Variants in GXYLT2 observed in about 807,000 individuals in gnomAD.
GXYLT2 encodes the protein glucoside xylosyltransferase 2, also known as glycosyltransferase 8 domain containing 4.
A neutral mutation model predicts 45.8 loss-of-function variants in GXYLT2; 53 were observed. The observed-to-expected ratio is 1.16, with a 90% confidence interval of 0.93 to 1.46. GXYLT2 has a LOEUF of 1.46. Ranked by LOEUF, GXYLT2 falls within the 40% of genes most tolerant of loss-of-function variation. The pLI, the probability that GXYLT2 is intolerant of heterozygous loss-of-function variation, is 0.00. For synonymous variants in GXYLT2, 219 were observed against 214.2 expected (o/e 1.02, Z -0.19); for missense variants, 551 against 544.4 (o/e 1.01, Z -0.12).
At chr3:72,948,212 C>A (rs34294658) in intron 3 of GXYLT2, among the ~76,000 whole-genome samples, 1 of 151,990 alleles carries the variant, frequency 6.6e-6, no homozygotes, top group African/African-American at 2.4e-5. Flanking sequence ...TCGTGAAAAC[C>A]AGTGAGGATA....
At chr3:72,925,042 C>A (rs1258379060) in intron 3 of GXYLT2, among the ~76,000 whole-genome samples, 1 of 151,998 alleles carries the variant, frequency 6.6e-6, no homozygotes, top group Non-Finnish European at 1.5e-5. Context: ...GGGGAGTAGC[C>A]CTTTTGGCAT....
intron 3 of GXYLT2, among the ~76,000 whole-genome samples, chr3:72,951,163 T>C (rs1452888839): frequency 1.3e-5 from 2 of 152,100 alleles, no homozygotes; most frequent in Non-Finnish European, 1.5e-5. Context: ...AGAATTAGCC[T>C]CTAGAGATGC....
Position 72,975,551 on chromosome 3 carries a change from G to T in GXYLT2, c.*392G>T. 1 of 161,068 alleles carries T rather than the reference G, an allele frequency of 6.2e-6. No homozygotes were observed. Among genetic ancestry groups the T allele is most frequent in the Non-Finnish European group, 1.3e-5 (1 of 74,358 alleles). 10.0% of individuals were successfully genotyped at this position (161,068 alleles called of 1,614,324 possible). A position where few individuals can be genotyped will look rare whatever the true frequency, so the allele number is the denominator to read the frequency against. ...ATGCAACTGACTCCCCCACACCCGT[G>T]TTATAAAAGTAATACACACTTTTGA... On this transcript the variant is annotated 3_prime_UTR_variant, in exon 7 of 7. Transcript: ENST00000389617.
chr3:72,954,437 T>TGTGTGTGTGTG (rs1710591828), intron 3 of GXYLT2, among the ~76,000 whole-genome samples: 1 of 42,054 alleles, frequency 2.4e-5, no homozygotes, highest in African/African-American at 1.3e-4. Flanking sequence ...GTGTGTGTAT[T>TGTGTGTGTGTG]TGTATTTATA....
At chr3:72,914,826 C>T (rs541714614) in intron 2 of GXYLT2, among the ~76,000 whole-genome samples, 6 of 152,246 alleles carry the variant, frequency 3.9e-5, no homozygotes, top group African/African-American at 1.2e-4. Context: ...GAGTCTGGTT[C>T]TCCAGCCCTC....
intron 1 of GXYLT2, among the ~76,000 whole-genome samples, chr3:72,904,146 C>T (rs1002293290): frequency 2.6e-5 from 4 of 152,306 alleles, no homozygotes; most frequent in Admixed American, 6.5e-5. Context: ...AAAATAAGAA[C>T]GTTATTAACC....
intron 3 of GXYLT2, among the ~76,000 whole-genome samples, chr3:72,923,985 C>G (rs1709876313): frequency 6.6e-6 from 1 of 151,774 alleles, no homozygotes; most frequent in African/African-American, 2.4e-5. Flanking sequence ...TACTAGGTGA[C>G]AAGGGCCTTG....
In GXYLT2 at chr3:72,965,737, C is replaced by T. The variant is rs1291534851; in HGVS notation, c.977-1810C>T. ...ACTAGATGCCAGTAGCAGCCTCCCC[C>T]ATGTATAACAGTCAACAGTGTTTCC... On this transcript the variant is annotated intron_variant, in intron 5 of 6. Coordinates refer to ENST00000389617, the MANE Select transcript of GXYLT2 (RefSeq NM_001080393.2). Among the ~76,000 whole-genome samples the T allele has an allele frequency of 2.0e-5, 3 of 152,228 alleles. No homozygotes were observed. In the East Asian group the frequency reaches 5.8e-4, roughly 30 times the overall value.
chr3:72,940,898 C>G lies in GXYLT2; in HGVS notation c.601-14200C>G, dbSNP rs138927923. Among the ~76,000 whole-genome samples the G allele has an allele frequency of 4.7e-3, 719 of 152,200 alleles. 7 individuals carry two copies. The highest frequency in any genetic ancestry group is 0.016 in the African/African-American group (664 of 41,522). On this transcript the variant is annotated intron_variant, in intron 3 of 6. Transcript: ENST00000389617. Reference sequence around the variant, plus strand: ...GATCTGTATGTTGCCCAGGCTGGAACTGAACTCCTGGCCTCAAGCAATACT... The same window carrying G: ...GATCTGTATGTTGCCCAGGCTGGAAGTGAACTCCTGGCCTCAAGCAATACT...
At position 72,888,446 on chromosome 3, in the gene GXYLT2, GC is replaced by G; in HGVS notation, c.218del (p.Pro73ArgfsTer77). On this transcript the variant is annotated frameshift_variant, in exon 1 of 7. Transcript: ENST00000389617. LOFTEE classifies it high-confidence loss of function. ...GASPGVRRRRPPRPRPRAGRR... is the reference protein window; with the variant it reads ...GASPGVRRRRXPRPRPRAGRR... ...CCAGCCCGGGAGTTCGGAGGCGCCG[GC>G]CCCCGCGTCCGCGCCCCCGAGCGGG... 3.3e-6 allele frequency: 4 copies of G among 1,200,512 alleles called. No homozygotes were observed. Among genetic ancestry groups the G allele is most frequent in the Non-Finnish European group, 3.1e-6 (3 of 964,730 alleles). 74.4% of individuals were successfully genotyped at this position (1,200,512 alleles called of 1,614,324 possible).
intron 2 of GXYLT2, among the ~76,000 whole-genome samples, chr3:72,912,011 A>G (rs111630133): frequency 8.7e-6 from 1 of 115,528 alleles, no homozygotes; most frequent in Non-Finnish European, 1.7e-5. Flanking sequence ...ATATATATAT[A>G]TATTTTTTTT....
chr3:72,974,581 A>G (rs1027783431), intron 6 of GXYLT2, among the ~76,000 whole-genome samples: 1 of 152,140 alleles, frequency 6.6e-6, no homozygotes, highest in East Asian at 1.9e-4. Flanking sequence ...AGATTGTAAG[A>G]CCCTTAAGGA....
At chr3:72,919,574 GTGAAACC>G (rs1390117810) in intron 2 of GXYLT2, among the ~76,000 whole-genome samples, 2 of 152,222 alleles carry the variant, frequency 1.3e-5, no homozygotes, top group Admixed American at 6.5e-5. Context: ...GACCAACATG[GTGAAACC>G]TCATCTCTAC....
chr3:72,938,532 T>C (rs1710233550), intron 3 of GXYLT2, among the ~76,000 whole-genome samples: 1 of 152,226 alleles, frequency 6.6e-6, no homozygotes, highest in African/African-American at 2.4e-5. Flanking sequence ...AGGCACCATC[T>C]GACTAAGAAA....
intron 1 of GXYLT2, among the ~76,000 whole-genome samples, chr3:72,906,784 G>A (rs887214329): frequency 6.6e-6 from 1 of 152,194 alleles, no homozygotes; most frequent in African/African-American, 2.4e-5. Context: ...ACCTGCACTG[G>A]AAGTGAAACA....
Position 72,888,398 on chromosome 3 carries a change from G to A in GXYLT2, c.165G>A (p.Pro55=). 4 of 1,002,004 alleles carry A rather than the reference G, an allele frequency of 4.0e-6. No individual in the cohort carries two copies. The highest frequency in any genetic ancestry group is 4.5e-5 in the South Asian group (1 of 22,102). 62.1% of individuals were successfully genotyped at this position (1,002,004 alleles called of 1,614,324 possible). A position where few individuals can be genotyped will look rare whatever the true frequency, so the allele number is the denominator to read the frequency against. Reference sequence around the variant, plus strand: ...CCGCGCCTGTCCCCGCGCGCTGGCCGGGGCCGGGCGCCCTCCCCGGGGCCA... The same window carrying A: ...CCGCGCCTGTCCCCGCGCGCTGGCCAGGGCCGGGCGCCCTCCCCGGGGCCA... ...RHPAPVPARW[P]GPGALPGASP... is the part of the protein sequence containing the mutation. The change falls in exon 1 of 7, where the codon CCG becomes CCA. Residue 55 remains proline (P), a synonymous_variant. Transcript: ENST00000389617.
chr3:72,964,525 G>T (rs909547941), intron 5 of GXYLT2, among the ~76,000 whole-genome samples: 7 of 151,852 alleles, frequency 4.6e-5, no homozygotes, highest in Admixed American at 1.3e-4. Flanking sequence ...GTTTCACCAT[G>T]TTGGCCAGGC....
At chr3:72,894,793 T>C (rs1326540431) in intron 1 of GXYLT2, among the ~76,000 whole-genome samples, 1 of 152,132 alleles carries the variant, frequency 6.6e-6, no homozygotes, top group Non-Finnish European at 1.5e-5. Context: ...CGCTATAATA[T>C]GTAAACTGCA....
At chr3:72,923,773 A>G (rs1709872376) in intron 3 of GXYLT2, among the ~76,000 whole-genome samples, 1 of 152,144 alleles carries the variant, frequency 6.6e-6, no homozygotes, top group Non-Finnish European at 1.5e-5. Flanking sequence ...TCTGAGAGAG[A>G]TCATAGAAGG....
Sources: allele counts gnomAD v4.1 joint callset (sites outside exome capture counted in the v4.1 genomes callset), GRCh38; gene constraint gnomAD v4.1.1; transcripts MANE v1.5; gene names NCBI Gene and HGNC (gene_info 2026-07-23, HGNC 2026-07-21).